Variants in STARD8 observed in about 807,000 individuals in gnomAD.
STARD8 encodes stAR-related lipid transfer protein 8.
In STARD8, 25 loss-of-function variants were observed where a neutral mutation model predicts 69.4. The ratio of observed to expected loss-of-function variants is 0.36; its 90% CI spans 0.26 to 0.50. The LOEUF (loss-of-function observed/expected upper bound fraction) is 0.50, where lower values mean the gene tolerates loss of function less well. Among genes scored for constraint, STARD8 ranks in the 20% least tolerant of loss-of-function variants. The pLI, the probability that STARD8 is intolerant of heterozygous loss-of-function variation, is 0.96. For missense variants in STARD8, 921 were observed against 932.5 expected (o/e 0.99, Z 0.16); for synonymous variants, 389 against 374.6 (o/e 1.04, Z -0.45).
At chrX:68,712,876 C>G (rs756978161) in intron 2 of STARD8, 38 bp from the exon 3 acceptor site, 3 of 1,177,471 alleles carry the variant, frequency 2.5e-6, no homozygotes, top group South Asian at 3.7e-5. Context: ...CTCCTAACCC[C>G]ATTTCTTTGC....
intron 2 of STARD8, among the ~76,000 whole-genome samples, chrX:68,677,647 T>G (rs182702081): frequency 1.7e-4 from 19 of 111,728 alleles, no homozygotes; most frequent in Non-Finnish European, 3.4e-4. Flanking sequence ...AGGACCATTT[T>G]TCTAAAGTTA....
rs749305186 is a variant in STARD8 at position 68,712,929 on chromosome X, G to T, written c.95G>T (p.Arg32Ile). Reference sequence around the variant, plus strand: ...TCTGTTTTAGAAGCCGAGGCCAAAAGAGCATGTGAGTGGCTTCAAGCAACA... The same window carrying T: ...TCTGTTTTAGAAGCCGAGGCCAAAATAGCATGTGAGTGGCTTCAAGCAACA... Reference protein sequence around the residue: ...VKKNAEAEAKRACEWLQATGF... With the variant: ...VKKNAEAEAKIACEWLQATGF... Residue 32 changes from arginine to isoleucine, a missense_variant, in exon 3 of 15, where the codon AGA becomes ATA. Arg to Ile is a moderately conservative substitution (Grantham distance 97). Transcript: ENST00000374599. 9 of 1,205,093 alleles carry T rather than the reference G, an allele frequency of 7.5e-6. No homozygotes were observed. In the African/African-American group the frequency reaches 1.4e-4, roughly 19 times the overall value.
At chrX:68,722,012 C>T (rs140732391) in intron 10 of STARD8, 35 bp from the exon 11 acceptor site, 95 of 1,122,599 alleles carry the variant, frequency 8.5e-5, no homozygotes, top group Middle Eastern at 4.9e-4. Flanking sequence ...TGCTCTTGTG[C>T]CATCTCTCCT....
intron 1 of STARD8, 117 bp downstream of exon 1, chrX:68,648,044 C>T: frequency 2.2e-6 from 2 of 908,968 alleles, no homozygotes; most frequent in South Asian, 2.4e-5. Context: ...CTACCTGAGG[C>T]TCTCGGAGTT....
intron 4 of STARD8, among the ~76,000 whole-genome samples, chrX:68,716,040 G>A (rs2080088844): frequency 9.0e-6 from 1 of 111,529 alleles, no homozygotes; most frequent in South Asian, 3.8e-4. Context: ...AATCCCATTT[G>A]CATCCTCCAG....
At chrX:68,723,040 C>T (rs748634546) in intron 12 of STARD8, among the ~76,000 whole-genome samples, 1 of 112,534 alleles carries the variant, frequency 8.9e-6, no homozygotes, top group South Asian at 3.7e-4. Flanking sequence ...TTAGCGACAA[C>T]GGAATGTGTT....
chrX:68,672,023 G>A (rs1003457151), intron 2 of STARD8, among the ~76,000 whole-genome samples: 2 of 112,050 alleles, frequency 1.8e-5, no homozygotes, highest in Middle Eastern at 4.2e-3. Flanking sequence ...AAATGTTGGC[G>A]ATCATAGCTC....
In STARD8 at chrX:68,670,919, G is replaced by A. The variant is rs73215075; in HGVS notation, c.79+5387G>A. Among the ~76,000 whole-genome samples the A allele has an allele frequency of 1.3e-4, 14 of 110,821 alleles. No individual in the cohort carries two copies. The South Asian group carries it at 2.7e-3, about 22-fold the overall frequency. On this transcript the variant is annotated intron_variant, in intron 2 of 14. Coordinates refer to ENST00000374599, the MANE Select transcript of STARD8 (RefSeq NM_001142503.3). Reference sequence around the variant, plus strand: ...CTTCATAAGGCTTCCTAAATCTACCGCCTTTTCTTGTCACTCACACTAGCA... The same window carrying A: ...CTTCATAAGGCTTCCTAAATCTACCACCTTTTCTTGTCACTCACACTAGCA...
At chrX:68,655,865 A>G (rs1161877098) in intron 1 of STARD8, among the ~76,000 whole-genome samples, 1 of 111,903 alleles carries the variant, frequency 8.9e-6, no homozygotes, top group East Asian at 2.8e-4. Context: ...TGCCAGCGAG[A>G]TGATGTCTGT....
At chrX:68,705,985 A>AGTGGCTTGTTTTTCCT (rs1342140258) in intron 2 of STARD8, among the ~76,000 whole-genome samples, 1 of 112,544 alleles carries the variant, frequency 8.9e-6, no homozygotes, top group African/African-American at 3.2e-5. Flanking sequence ...TAAAAGATTC[A>AGTGGCTTGTTTTTCCT]GTGGCTTGTT....
chrX:68,698,269 TC>T (rs2079937827), intron 2 of STARD8, among the ~76,000 whole-genome samples: 1 of 110,886 alleles, frequency 9.0e-6, no homozygotes. Flanking sequence ...GGCAGTGGGG[TC>T]CAGCATCAGA....
chrX:68,673,025 G>T (rs1034672609), intron 2 of STARD8, among the ~76,000 whole-genome samples: 1 of 111,322 alleles, frequency 9.0e-6, no homozygotes, highest in Non-Finnish European at 1.9e-5. Context: ...AAAGAAAAAG[G>T]CCAAAAGGAG....
rs2080151603 is a variant in STARD8 at position 68,721,753 on chromosome X, T to C, written c.2459+7T>C. The C allele has an allele frequency of 8.3e-7, 1 of 1,206,649 alleles. No individual in the cohort carries two copies. The highest frequency in any genetic ancestry group is 3.0e-5 in the East Asian group (1 of 33,777). ...AGGATAGCCCCTCTCCCAGGTGAAA[T>C]GGTGCACGGCATGTCAGGGCCGGGC... is the stretch of plus-strand genomic sequence containing the variant. On this transcript the variant is annotated splice_region_variant and intron_variant, in intron 10 of 14. Transcript: ENST00000374599.
intron 2 of STARD8, 62 bp downstream of exon 2, chrX:68,665,594 T>C (rs1180652519): frequency 2.7e-6 from 3 of 1,131,527 alleles, no homozygotes; most frequent in African/African-American, 1.8e-5. Flanking sequence ...TCAGTAGTCC[T>C]CATGGGGCAA....
chrX:68,649,913 G>A (rs903336395), intron 1 of STARD8, among the ~76,000 whole-genome samples: 1 of 111,177 alleles, frequency 9.0e-6, no homozygotes, highest in Non-Finnish European at 1.9e-5. Context: ...AATAAGGATG[G>A]GAGAGGAAGA....
chrX:68,652,880 C>A (rs1286201382), intron 1 of STARD8, among the ~76,000 whole-genome samples: 1 of 55,117 alleles, frequency 1.8e-5, no homozygotes, highest in Non-Finnish European at 3.3e-5. Context: ...CACCCACACC[C>A]CACACACACA....
intron 2 of STARD8, among the ~76,000 whole-genome samples, chrX:68,669,279 T>A (rs1417615779): frequency 8.9e-6 from 1 of 112,216 alleles, no homozygotes; most frequent in Non-Finnish European, 1.9e-5. Flanking sequence ...AGCTCCAGGT[T>A]CCAGTTTTGG....
chrX:68,683,537 C>T (rs2147894809), intron 2 of STARD8, among the ~76,000 whole-genome samples: 1 of 112,122 alleles, frequency 8.9e-6, no homozygotes, highest in African/African-American at 3.2e-5. Context: ...GGCCTGGAGG[C>T]ATATGAAGGT....
intron 1 of STARD8, among the ~76,000 whole-genome samples, chrX:68,648,744 A>G (rs73634147): frequency 8.9e-6 from 1 of 112,321 alleles, no homozygotes; most frequent in African/African-American, 3.2e-5. Context: ...AGTGTCTACT[A>G]TATCCTGGCC....
Sources: allele counts gnomAD v4.1 joint callset (sites outside exome capture counted in the v4.1 genomes callset), GRCh38; gene constraint gnomAD v4.1.1; transcripts MANE v1.5; gene names NCBI Gene and HGNC (gene_info 2026-07-23, HGNC 2026-07-21).